COL28A1: variants seen among roughly 807,000 people sequenced by gnomAD.
COL28A1 encodes the protein collagen type XXVIII alpha 1 chain, also known as collagen alpha-1(XXVIII) chain.
In COL28A1, 161 loss-of-function variants were observed where a neutral mutation model predicts 150.2. The ratio of observed to expected loss-of-function variants is 1.07; its 90% CI spans 0.94 to 1.22. The LOEUF is 1.22. Ranked by LOEUF, COL28A1 falls within the 50% of genes most tolerant of loss-of-function variation. The pLI, the probability that COL28A1 is intolerant of heterozygous loss-of-function variation, is 0.00. For missense variants in COL28A1, 1,617 were observed against 1,388.3 expected, an observed-to-expected ratio of 1.16 and a Z score of -2.62; for synonymous variants, 552 against 469.7, an observed-to-expected ratio of 1.18 and a Z score of -2.26.
At chr7:7,406,939 T>C (rs1783523407) in intron 27 of COL28A1, among the ~76,000 whole-genome samples, 1 of 152,128 alleles carries the variant, frequency 6.6e-6, no homozygotes, top group Non-Finnish European at 1.5e-5. Flanking sequence ...ATGGACTGAA[T>C]TCTTTTTCTA....
At chr7:7,402,538 A>C (rs6962404) in intron 27 of COL28A1, among the ~76,000 whole-genome samples, 19,548 of 152,238 alleles carry the variant, frequency 0.13, 1,336 homozygotes, top group Middle Eastern at 0.19. Flanking sequence ...TAGAGAATCA[A>C]ACTAGGGAGA....
chr7:7,413,072 G>A (rs112426643), intron 27 of COL28A1, among the ~76,000 whole-genome samples: 64 of 152,056 alleles, frequency 4.2e-4, no homozygotes, highest in Non-Finnish European at 8.7e-4. Context: ...ATGTCTCAGA[G>A]GTTGATCTGT....
chr7:7,433,149 A>G (rs987431058), intron 23 of COL28A1, among the ~76,000 whole-genome samples: 36 of 152,182 alleles, frequency 2.4e-4, no homozygotes, highest in Admixed American at 2.2e-3. Flanking sequence ...TTTTACAGTG[A>G]TGACCTTAGG....
rs1361522370 is a variant in COL28A1 at position 7,417,904 on chromosome 7, C to A, written c.2091G>T (p.Leu697Phe). Residue 697 changes from leucine to phenylalanine, a missense_variant, in exon 27 of 35, where the codon TTG (leucine) becomes TTT (phenylalanine). Leu to Phe is a conservative substitution (Grantham distance 22). Transcript: ENST00000399429. Reference protein sequence around the residue: ...GPKGDTGQKGLPGPPGPPGYG... With the variant: ...GPKGDTGQKGFPGPPGPPGYG... ...AGCCAGGGGGGCCAGGAGGGCCAGG[C>A]AAGCCTTTCTGCCCAGTATCACCCT... The A allele has an allele frequency of 6.2e-7, 1 of 1,613,380 alleles. No individual in the cohort carries two copies. Among genetic ancestry groups the A allele is most frequent in the Admixed American group, 1.7e-5 (1 of 59,904 alleles).
At chr7:7,430,112 A>G (rs115518049) in intron 25 of COL28A1, among the ~76,000 whole-genome samples, 3,960 of 152,200 alleles carry the variant, frequency 0.026, 159 homozygotes, top group African/African-American at 0.083. Flanking sequence ...TGAAATATTC[A>G]TAAGAATTGG....
At chr7:7,511,324 A>G (rs954411419) in intron 8 of COL28A1, among the ~76,000 whole-genome samples, 189 bp from the exon 9 acceptor site, 2 of 152,180 alleles carry the variant, frequency 1.3e-5, no homozygotes, top group Non-Finnish European at 2.9e-5. Context: ...TTTACCCAAG[A>G]GTCATCCTTA....
At position 7,437,395 on chromosome 7, in the gene COL28A1, T is replaced by C; in HGVS notation, c.1790A>G (p.Lys597Arg). Residue 597 changes from lysine (K) to arginine (R), a missense_variant and splice_region_variant, in exon 22 of 35, where the codon AAG becomes AGG. Transcript: ENST00000399429. ...GTSIPGPPGP[K>R]GDRGGPGIPG... ...AAAATAATCTCCAAGAATATATACC[T>C]TTGGCCCAGGTGGTCCAGGAATTGA... The C allele has an allele frequency of 1.2e-6, 2 of 1,613,056 alleles. No individual in the cohort carries two copies. Among genetic ancestry groups the C allele is most frequent in the Non-Finnish European group, 1.7e-6 (2 of 1,179,696 alleles).
At chr7:7,412,303 T>C (rs971647708) in intron 27 of COL28A1, among the ~76,000 whole-genome samples, 14 of 152,094 alleles carry the variant, frequency 9.2e-5, no homozygotes, top group African/African-American at 3.4e-4. Flanking sequence ...AAATTCTGTG[T>C]GGAAGAAAAT....
At chr7:7,466,527 A>G (rs1333675428) in intron 15 of COL28A1, among the ~76,000 whole-genome samples, 1 of 93,672 alleles carries the variant, frequency 1.1e-5, no homozygotes, top group East Asian at 2.6e-4. Flanking sequence ...CTTGGAAAAC[A>G]CTCTGCAGGA....
chr7:7,348,248 T>C, the COL28A1 span, among the ~76,000 whole-genome samples: 2 of 152,066 alleles, frequency 1.3e-5, no homozygotes, highest in African/African-American at 4.8e-5. Context: ...ATTGGAGCGA[T>C]TCTAGCTGCT....
At chr7:7,491,407 C>T (rs775447831) in intron 11 of COL28A1, among the ~76,000 whole-genome samples, 9 of 152,186 alleles carry the variant, frequency 5.9e-5, no homozygotes, top group Non-Finnish European at 8.8e-5. Flanking sequence ...ATCTCTAGGA[C>T]AAAAGCCAGC....
chr7:7,524,161 T>G, intron 4 of COL28A1, 68 bp downstream of exon 4: 2 of 868,926 alleles, frequency 2.3e-6, no homozygotes, highest in Non-Finnish European at 3.9e-6. Flanking sequence ...CTAATGTGAA[T>G]TATAATGCTG....
intron 8 of COL28A1, among the ~76,000 whole-genome samples, chr7:7,512,556 A>G (rs1265827282): frequency 6.6e-6 from 1 of 152,210 alleles, no homozygotes. Flanking sequence ...TAGAAGGAGA[A>G]TTGGGACCTC....
chr7:7,480,891 A>C (rs1371147401), intron 13 of COL28A1, among the ~76,000 whole-genome samples: 2 of 152,232 alleles, frequency 1.3e-5, no homozygotes, highest in Non-Finnish European at 2.9e-5. Flanking sequence ...CAATCTCTGC[A>C]AAGCACAACA....
chr7:7,455,095 A>AT (rs1265247676), intron 16 of COL28A1, among the ~76,000 whole-genome samples: 1 of 152,200 alleles, frequency 6.6e-6, no homozygotes, highest in East Asian at 1.9e-4. Flanking sequence ...GAATTATCTC[A>AT]TTTTTTAAAT....
rs1780612047 is a variant in COL28A1, at chr7:7,502,855, G to A, written c.1026+3159C>T. Among the ~76,000 whole-genome samples, 10 of 96,650 alleles carry A rather than the reference G, an allele frequency of 1.0e-4. 2 individuals carry two copies. In the South Asian group the frequency reaches 2.5e-3, roughly 24 times the overall value. 63.4% of individuals were successfully genotyped at this position (96,650 alleles called of 152,430 possible). ...TGGGACTACAGGCGCCCGCTACCACGCCCGGCTAATTTTTTGTATTTTTAG... is the reference window on the plus strand; with the variant it reads ...TGGGACTACAGGCGCCCGCTACCACACCCGGCTAATTTTTTGTATTTTTAG... On this transcript the variant is annotated intron_variant, in intron 11 of 34. Transcript: ENST00000399429.
At chr7:7,364,576 C>A (rs994039226) in intron 33 of COL28A1, among the ~76,000 whole-genome samples, 1 of 152,172 alleles carries the variant, frequency 6.6e-6, no homozygotes, top group African/African-American at 2.4e-5. Flanking sequence ...GTTCTAACCA[C>A]CCCTTTGAGC....
At chr7:7,514,015 A>G (rs918702717) in intron 8 of COL28A1, among the ~76,000 whole-genome samples, 1 of 152,178 alleles carries the variant, frequency 6.6e-6, no homozygotes, top group African/African-American at 2.4e-5. Context: ...TTGAATGTCG[A>G]TGGTTCAGGG....
intron 31 of COL28A1, among the ~76,000 whole-genome samples, chr7:7,374,038 A>ATATATATAT (rs1554260692): frequency 4.4e-4 from 50 of 113,618 alleles, no homozygotes; most frequent in Middle Eastern, 4.2e-3. Flanking sequence ...AAAAAAAAAA[A>ATATATATAT]ATATATATAT....
Sources: gnomAD v4.1 joint callset for allele counts (sites outside exome capture counted in the v4.1 genomes callset) on GRCh38, gnomAD v4.1.1 for gene constraint, MANE v1.5 for transcripts, NCBI Gene and HGNC (gene_info 2026-07-23, HGNC 2026-07-21) for gene names.